The following TBXAS1 variants were observed in gnomAD, a reference collection of about 807,000 sequenced individuals.
The protein encoded by TBXAS1 is thromboxane A synthase 1.
Under a neutral mutation model 60.7 loss-of-function variants are expected in TBXAS1, and 48 were observed. That is an observed-to-expected ratio of 0.79 (90% CI 0.63 to 1.01). TBXAS1 has a LOEUF of 1.01. Ranked by LOEUF, TBXAS1 falls within the 50% of genes least tolerant of loss-of-function variation. The pLI is 0.00. For synonymous variants in TBXAS1, 287 were observed against 269.7 expected, an observed-to-expected ratio of 1.06 and a Z score of -0.63; for missense variants, 685 against 686.3, an observed-to-expected ratio of 1.00 and a Z score of 0.02.
At chr7:139,824,639 G>A (rs556108825), upstream of TBXAS1, among the ~76,000 whole-genome samples, 32 of 152,240 alleles carry the variant, frequency 2.1e-4, no homozygotes, top group African/African-American at 7.2e-4. Flanking sequence ...TTGCAGGATG[G>A]CACAGGTATG....
At chr7:139,820,837 C>A (rs1326674937) in intron 4 of TBXAS1, among the ~76,000 whole-genome samples, 1 of 152,046 alleles carries the variant, frequency 6.6e-6, no homozygotes, top group African/African-American at 2.4e-5. Context: ...ATAAATAATT[C>A]TTGGATTAAT....
At chr7:139,965,471 G>A (rs41722) in intron 9 of TBXAS1, among the ~76,000 whole-genome samples, 136,613 of 152,114 alleles carry the variant, frequency 0.9, 61,473 homozygotes, top group Non-Finnish European at 0.94. Flanking sequence ...GTCTCGCTCT[G>A]TCATCCAGGC....
chr7:139,782,222 A>C (rs1797026254), intron 2 of TBXAS1, among the ~76,000 whole-genome samples: 1 of 150,898 alleles, frequency 6.6e-6, no homozygotes, highest in Admixed American at 6.6e-5. Context: ...TTTTTTTAAC[A>C]GTACATGGAA....
At chr7:139,949,744 A>G (rs1809043925) in intron 5 of TBXAS1, among the ~76,000 whole-genome samples, 1 of 152,228 alleles carries the variant, frequency 6.6e-6, no homozygotes, top group South Asian at 2.1e-4. Flanking sequence ...AGATGAGGTA[A>G]ATCACATTTC....
chr7:140,019,983 C>T (rs1407661035), intron 12 of TBXAS1, 42 bp from the exon 13 acceptor site: 4 of 1,578,450 alleles, frequency 2.5e-6, no homozygotes, highest in Non-Finnish European at 3.5e-6. Flanking sequence ...CAGTGAGATG[C>T]TACTATCTCT....
intron 9 of TBXAS1, among the ~76,000 whole-genome samples, chr7:139,996,064 G>C (rs1813261813): frequency 1.3e-5 from 2 of 151,748 alleles, no homozygotes; most frequent in Non-Finnish European, 2.9e-5. Flanking sequence ...AAACTCCTAG[G>C]TTCAAGTGAT....
At chr7:139,898,792 G>A (rs1004720728) in intron 3 of TBXAS1, among the ~76,000 whole-genome samples, 1 of 152,056 alleles carries the variant, frequency 6.6e-6, no homozygotes, top group African/African-American at 2.4e-5. Flanking sequence ...TTTACTGTTC[G>A]GACAAACTAT....
chr7:139,862,447 G>C (rs1287921766), intron 1 of TBXAS1, among the ~76,000 whole-genome samples: 1 of 152,148 alleles, frequency 6.6e-6, no homozygotes, highest in African/African-American at 2.4e-5. Context: ...TCTTGACAAG[G>C]GCAGCCCCAA....
In TBXAS1 at chr7:139,975,318, G is replaced by C. The variant is rs1352816362; in HGVS notation, c.1134+13085G>C. On this transcript the variant is annotated intron_variant, in intron 9 of 12. Coordinates refer to ENST00000448866, the MANE Select transcript of TBXAS1 (RefSeq NM_001061.7). The surrounding 1 kb of genome is among the most constrained non-coding windows in gnomAD (Gnocchi z 4.4). ...AAAGACTAACCAAGCTAAATAACTTGAGAACATAAGATAATACCCTAGGAC... is the reference window on the plus strand; with the variant it reads ...AAAGACTAACCAAGCTAAATAACTTCAGAACATAAGATAATACCCTAGGAC... Among the ~76,000 whole-genome samples, 1 of 152,206 alleles carries C rather than the reference G, an allele frequency of 6.6e-6. No individual in the cohort carries two copies. Among genetic ancestry groups the C allele is most frequent in the Non-Finnish European group, 1.5e-5 (1 of 68,044 alleles).
intron 9 of TBXAS1, among the ~76,000 whole-genome samples, chr7:139,971,466 C>G (rs944854611): frequency 1.3e-5 from 2 of 152,226 alleles, no homozygotes; most frequent in African/African-American, 4.8e-5. Context: ...CTTAACTGTC[C>G]ATTTCATTGT....
At chr7:139,865,620 AGAG>A (rs1569503731) in intron 1 of TBXAS1, among the ~76,000 whole-genome samples, 4 of 24,366 alleles carry the variant, frequency 1.6e-4, no homozygotes, top group South Asian at 2.2e-3. Flanking sequence ...AGGAGGAGGA[AGAG>A]GAGGAGGAGG....
At chr7:139,803,838 TG>T (rs1797778409) in intron 4 of TBXAS1, among the ~76,000 whole-genome samples, 1 of 152,190 alleles carries the variant, frequency 6.6e-6, no homozygotes, top group Non-Finnish European at 1.5e-5. Context: ...GAATTGAGGT[TG>T]GGGAACCTCC....
chr7:139,815,540 A>G (rs746883677), intron 4 of TBXAS1, among the ~76,000 whole-genome samples: 12 of 152,210 alleles, frequency 7.9e-5, no homozygotes, highest in Non-Finnish European at 1.8e-4. Context: ...ATACCTCTCT[A>G]TGATGTAATT....
chr7:139,787,489 C>A (rs1196800323), intron 4 of TBXAS1: 2 of 152,176 alleles, frequency 1.3e-5, no homozygotes, highest in African/African-American at 4.8e-5. Context: ...ACATTCATTA[C>A]AAACTTCTGG....
chr7:140,020,198 GAA>G lies in TBXAS1; in HGVS notation c.*101_*102del. 1.8e-6 allele frequency: 2 copies of G among 1,135,098 alleles called. No individual in the cohort carries two copies. Among genetic ancestry groups the G allele is most frequent in the Non-Finnish European group, 2.7e-6 (2 of 751,786 alleles). 70.3% of individuals were successfully genotyped at this position (1,135,098 alleles called of 1,614,324 possible). ...TTGGAAAAATGTCACTGAAGTGATT[GAA>G]AGAGTGCCTGGCATGCAAGGATAAG... On this transcript the variant is annotated 3_prime_UTR_variant, in exon 13 of 13. Coordinates refer to ENST00000448866, the MANE Select transcript of TBXAS1 (RefSeq NM_001061.7).
upstream of TBXAS1, among the ~76,000 whole-genome samples, chr7:139,826,145 G>A (rs571873160): frequency 6.2e-4 from 94 of 152,194 alleles, no homozygotes; most frequent in African/African-American, 2.1e-3. Flanking sequence ...CCATGCTGCC[G>A]GGCCATCATC....
At position 139,794,621 on chromosome 7, in the gene TBXAS1, G is replaced by A. The variant is rs1360717429; in HGVS notation, c.-80+7195G>A. On this transcript the variant is annotated intron_variant, in intron 4 of 16. Coordinates refer to the TBXAS1 transcript ENST00000336425. ...GCTGATGCACTGCACCCACTAACTC[G>A]TCATCTAGCATTAGGTATGTCTCCC... 4.7e-5 allele frequency among the ~76,000 whole-genome samples: 7 copies of A among 148,902 alleles called. No homozygotes were observed. The East Asian group carries it at 1.2e-3, about 25-fold the overall frequency.
At chr7:140,001,127 G>C (rs948298892) in intron 9 of TBXAS1, among the ~76,000 whole-genome samples, 6 of 152,182 alleles carry the variant, frequency 3.9e-5, no homozygotes, top group African/African-American at 1.4e-4. Flanking sequence ...GCTGCAGGGG[G>C]GGCTTCCTCA....
intron 1 of TBXAS1, among the ~76,000 whole-genome samples, chr7:139,839,786 G>T (rs1214328843): frequency 2.6e-4 from 39 of 151,792 alleles, no homozygotes; most frequent in Non-Finnish European, 1.5e-5. Flanking sequence ...AGCCCAGGAG[G>T]TTGAGGATAC....
Sources: allele counts gnomAD v4.1 joint callset (sites outside exome capture counted in the v4.1 genomes callset), GRCh38; gene constraint gnomAD v4.1.1; non-coding constraint Gnocchi (gnomAD v3.1); transcripts MANE v1.5; gene names NCBI Gene and HGNC (gene_info 2026-07-23, HGNC 2026-07-21).